Variants in PDIA5 observed in about 807,000 individuals in gnomAD.
PDIA5 encodes the protein protein disulfide isomerase family A member 5.
A neutral mutation model predicts 77.6 loss-of-function variants in PDIA5; 58 were observed. The observed-to-expected ratio is 0.75, with a 90% CI of 0.61 to 0.93. PDIA5 has a LOEUF of 0.93. PDIA5 is among the 40% of genes least tolerant of loss of function. The pLI, the probability that PDIA5 is intolerant of heterozygous loss-of-function variation, is 0.00. For missense variants in PDIA5, 630 were observed against 647.7 expected (o/e 0.97, Z 0.30); for synonymous variants, 250 against 252.1 (o/e 0.99, Z 0.08).
intron 1 of PDIA5, 71 bp downstream of exon 1, chr3:123,067,277 T>G (rs1320305656): frequency 8.5e-7 from 1 of 1,171,744 alleles, no homozygotes; most frequent in Non-Finnish European, 1.1e-6. Flanking sequence ...CGCTCTCTGC[T>G]CCAGCCCTCT....
At chr3:123,102,618 C>T (rs1934631016) in intron 4 of PDIA5, 124 bp downstream of exon 4, 15 of 1,054,180 alleles carry the variant, frequency 1.4e-5, no homozygotes, top group Non-Finnish European at 2.1e-5. Context: ...CCTGTGTTTA[C>T]AATTATTTCT....
intron 11 of PDIA5, among the ~76,000 whole-genome samples, chr3:123,140,486 A>T (rs1935600799): frequency 6.6e-6 from 1 of 152,230 alleles, no homozygotes; most frequent in African/African-American, 2.4e-5. Context: ...AGTATTTTGT[A>T]ATTAGAAGAG....
chr3:123,083,472 A>T (rs2107913369), intron 1 of PDIA5, among the ~76,000 whole-genome samples: 1 of 152,282 alleles, frequency 6.6e-6, no homozygotes, highest in East Asian at 1.9e-4. Flanking sequence ...GAGGGTTGTG[A>T]GCAGAAAGAA....
chr3:123,118,232 T>C (rs1935037085), intron 8 of PDIA5, among the ~76,000 whole-genome samples: 1 of 152,216 alleles, frequency 6.6e-6, no homozygotes, highest in Non-Finnish European at 1.5e-5. Flanking sequence ...CCTGGAGACA[T>C]TGGCCTTGGG....
At position 123,112,895 on chromosome 3, in the gene PDIA5, GCCCCAGCCTCCT is replaced by G. The variant is rs1027051045; in HGVS notation, c.541+1898_541+1909del. Among the ~76,000 whole-genome samples the G allele has an allele frequency of 2.1e-4, 32 of 152,168 alleles. No homozygotes were observed. The South Asian group carries it at 5.0e-3, about 24-fold the overall frequency. On this transcript the variant is annotated intron_variant, in intron 7 of 16. Transcript: ENST00000316218. Reference sequence around the variant, plus strand: ...TGTTTTGATTGCTGGGTGTCCTCCAGCCCCAGCCTCCTCCCCAGGCCTCCTCGCTGGCCCCAG... The same window carrying G: ...TGTTTTGATTGCTGGGTGTCCTCCAGCCCCAGGCCTCCTCGCTGGCCCCAG...
intron 3 of PDIA5, among the ~76,000 whole-genome samples, chr3:123,092,958 T>C (rs1436827736): frequency 6.6e-6 from 1 of 152,312 alleles, no homozygotes; most frequent in East Asian, 1.9e-4. Context: ...GGCCCAGGCC[T>C]ATAAAGGTCT....
chr3:123,149,951 C>T (rs1361877935), intron 13 of PDIA5, among the ~76,000 whole-genome samples: 1 of 152,136 alleles, frequency 6.6e-6, no homozygotes, highest in Non-Finnish European at 1.5e-5. Context: ...GAGTTCGTGG[C>T]CCACAACTGG....
chr3:123,071,921 A>G (rs1417315869), intron 1 of PDIA5, among the ~76,000 whole-genome samples: 2 of 152,172 alleles, frequency 1.3e-5, no homozygotes, highest in African/African-American at 4.8e-5. Context: ...GAGACATGGG[A>G]AATGAGGAAT....
intron 1 of PDIA5, among the ~76,000 whole-genome samples, chr3:123,068,190 C>T (rs974743032): frequency 5.9e-5 from 9 of 152,178 alleles, no homozygotes; most frequent in African/African-American, 1.9e-4. Context: ...TTCCAGGGAA[C>T]TTCCTGTTCC....
chr3:123,114,366 A>AC (rs11429345), intron 7 of PDIA5, among the ~76,000 whole-genome samples: 34,717 of 151,328 alleles, frequency 0.23, 4,430 homozygotes, highest in African/African-American at 0.34. Flanking sequence ...ACTGGGAAGC[A>AC]CCCCCCCAAA....
At chr3:123,109,185 G>A (rs1934808825) in intron 6 of PDIA5, among the ~76,000 whole-genome samples, 1 of 152,196 alleles carries the variant, frequency 6.6e-6, no homozygotes, top group African/African-American at 2.4e-5. Context: ...GAAATAAGAA[G>A]TATAGCTGGT....
Position 123,106,731 on chromosome 3 carries a change from CT to C in PDIA5, c.388-17del. 6.4e-7 allele frequency: 1 copy of C among 1,572,708 alleles called. No homozygotes were observed. The highest frequency in any genetic ancestry group is 8.7e-7 in the Non-Finnish European group (1 of 1,143,386). On this transcript the variant is annotated splice_polypyrimidine_tract_variant and intron_variant, in intron 5 of 16. Coordinates refer to ENST00000316218, the MANE Select transcript of PDIA5 (RefSeq NM_006810.4). ...TCAGGGCTAAAATGCATTTTCTCTTCTCTTTTTTTTCCCTCAGTCCATAGTG... is the reference window on the plus strand; with the variant it reads ...TCAGGGCTAAAATGCATTTTCTCTTCCTTTTTTTTCCCTCAGTCCATAGTG...
rs777908670 is a variant in PDIA5, at chr3:123,161,464, G to A, written c.1479+9G>A. 6 of 1,612,916 alleles carry A rather than the reference G, an allele frequency of 3.7e-6. No individual in the cohort carries two copies. Among genetic ancestry groups the A allele is most frequent in the Non-Finnish European group, 5.1e-6 (6 of 1,179,528 alleles). ...ATGACAGCGACCGCACAGTAAGTGG[G>A]GGAGAGGCGTCTGCCCAGAGCTCTC... On this transcript the variant is annotated intron_variant, in intron 16 of 16. Coordinates refer to ENST00000316218, the MANE Select transcript of PDIA5 (RefSeq NM_006810.4).
intron 14 of PDIA5, among the ~76,000 whole-genome samples, chr3:123,154,203 C>T (rs1252542588): frequency 6.6e-6 from 1 of 152,158 alleles, no homozygotes; most frequent in Non-Finnish European, 1.5e-5. Context: ...GAACAAGAGA[C>T]AGATGCTGGA....
intron 1 of PDIA5, among the ~76,000 whole-genome samples, chr3:123,084,010 C>T (rs1240730770): frequency 6.6e-6 from 1 of 152,024 alleles, no homozygotes; most frequent in Non-Finnish European, 1.5e-5. Context: ...ACAGAGGGGC[C>T]TTTCATCCTT....
chr3:123,126,160 G>A (rs972701959), intron 10 of PDIA5, among the ~76,000 whole-genome samples: 1 of 152,094 alleles, frequency 6.6e-6, no homozygotes, highest in African/African-American at 2.4e-5. Context: ...GCACATCAAT[G>A]GTGTTTCTGA....
intron 6 of PDIA5, among the ~76,000 whole-genome samples, chr3:123,108,376 G>T (rs1934786100): frequency 2.0e-5 from 3 of 150,470 alleles, no homozygotes; most frequent in African/African-American, 4.9e-5. Context: ...TGCCTCTGGG[G>T]TTCAAGCGAT....
intron 10 of PDIA5, among the ~76,000 whole-genome samples, chr3:123,127,438 A>G (rs1161572342): frequency 6.6e-6 from 1 of 152,230 alleles, no homozygotes; most frequent in Non-Finnish European, 1.5e-5. Context: ...GTAGTACTTT[A>G]TAAAGTTACA....
chr3:123,077,055 A>G (rs974333746), intron 1 of PDIA5, among the ~76,000 whole-genome samples: 5 of 152,200 alleles, frequency 3.3e-5, no homozygotes, highest in Admixed American at 6.5e-5. Flanking sequence ...GAAGCAAAAT[A>G]TAAGAAATGC....
Sources: allele counts gnomAD v4.1 joint callset (sites outside exome capture counted in the v4.1 genomes callset), GRCh38; gene constraint gnomAD v4.1.1; transcripts MANE v1.5; gene names NCBI Gene and HGNC (gene_info 2026-07-23, HGNC 2026-07-21).